The following SIPA1L3 variants were observed in gnomAD, a reference collection of about 807,000 sequenced individuals.
SIPA1L3 encodes the protein signal induced proliferation associated 1 like 3.
Under a neutral mutation model 150.1 loss-of-function variants are expected in SIPA1L3, and 59 were observed. That is an observed-to-expected ratio of 0.39 (90% confidence interval 0.32 to 0.49). The LOEUF is 0.49. Ranked by LOEUF, SIPA1L3 falls within the 20% of genes least tolerant of loss-of-function variation. SIPA1L3 has a pLI of 0.86. For synonymous variants in SIPA1L3, 1,070 were observed against 1,077.6 expected, an observed-to-expected ratio of 0.99 and a Z score of 0.14; for missense variants, 2,211 against 2,489.5, an observed-to-expected ratio of 0.89 and a Z score of 2.38.
intron 3 of SIPA1L3, among the ~76,000 whole-genome samples, chr19:38,084,820 A>G (rs1199839121): frequency 6.6e-6 from 1 of 151,678 alleles, no homozygotes; most frequent in Non-Finnish European, 1.5e-5. Flanking sequence ...TTGTAGTTTT[A>G]GTAGAGACAG....
chr19:38,105,355 ACT>A (rs1324441833), intron 6 of SIPA1L3, among the ~76,000 whole-genome samples: 4 of 149,952 alleles, frequency 2.7e-5, no homozygotes, highest in Admixed American at 1.3e-4. Context: ...ACAGAGTGAA[ACT>A]CTGTCTCAAA....
intron 2 of SIPA1L3, among the ~76,000 whole-genome samples, chr19:38,050,567 C>T (rs1725462): frequency 0.17 from 25,135 of 152,160 alleles, 2,183 homozygotes; most frequent in African/African-American, 0.19. Flanking sequence ...TCTAAACTTT[C>T]AAATGTTGTA....
chr19:38,140,107 G>A (rs928696435), intron 10 of SIPA1L3, among the ~76,000 whole-genome samples: 5 of 147,536 alleles, frequency 3.4e-5, no homozygotes, highest in South Asian at 2.3e-4. Context: ...GGCCATGAAC[G>A]GGGTGGCTCC....
At chr19:37,981,230 C>T (rs1967193158) in intron 1 of SIPA1L3, among the ~76,000 whole-genome samples, 1 of 151,958 alleles carries the variant, frequency 6.6e-6, no homozygotes, top group Admixed American at 6.6e-5. Context: ...ACCAGGAGTT[C>T]AAGACCAGCC....
chr19:38,146,396 A>G (rs936542935), intron 12 of SIPA1L3, among the ~76,000 whole-genome samples: 6 of 152,204 alleles, frequency 3.9e-5, no homozygotes, highest in Non-Finnish European at 7.3e-5. Context: ...GGCACTTTGA[A>G]TCTATGCTGC....
At chr19:38,054,255 T>C (rs1235108639) in intron 2 of SIPA1L3, among the ~76,000 whole-genome samples, 1 of 152,120 alleles carries the variant, frequency 6.6e-6, no homozygotes, top group Non-Finnish European at 1.5e-5. Context: ...CAGTTAGGAA[T>C]TGGTTGGAAG....
intron 1 of SIPA1L3, chr19:37,963,843 G>A (rs1049176911): frequency 1.3e-5 from 2 of 152,170 alleles, no homozygotes; most frequent in Non-Finnish European, 2.9e-5. Context: ...GACATACCCA[G>A]AAGTCTTTCC....
At chr19:37,967,295 C>A (rs1226654673) in intron 1 of SIPA1L3, among the ~76,000 whole-genome samples, 1 of 151,512 alleles carries the variant, frequency 6.6e-6, no homozygotes, top group African/African-American at 2.4e-5. Context: ...CTCTGTCGCC[C>A]AGGCTGGAGT....
chr19:38,032,874 A>G (rs571497855), intron 2 of SIPA1L3, among the ~76,000 whole-genome samples: 2 of 151,662 alleles, frequency 1.3e-5, no homozygotes, highest in Non-Finnish European at 2.9e-5. Flanking sequence ...AGAAGTGAAT[A>G]TAGGATAAGT....
intron 1 of SIPA1L3, among the ~76,000 whole-genome samples, chr19:37,935,888 G>A (rs2046596159): frequency 6.6e-6 from 1 of 152,174 alleles, no homozygotes; most frequent in Admixed American, 6.5e-5. Flanking sequence ...CAAGTTCCAG[G>A]AGGTGTGGTC....
intron 2 of SIPA1L3, among the ~76,000 whole-genome samples, chr19:38,065,227 G>T (rs1170932890): frequency 6.6e-6 from 1 of 152,072 alleles, no homozygotes; most frequent in East Asian, 1.9e-4. Context: ...CTGCGTGGGA[G>T]CCTGTCGCCA....
chr19:37,943,341 T>C (rs2046679793), intron 1 of SIPA1L3, among the ~76,000 whole-genome samples: 1 of 152,106 alleles, frequency 6.6e-6, no homozygotes, highest in East Asian at 1.9e-4. Context: ...CCACCCACAG[T>C]CCGACCACGC....
At chr19:38,025,896 C>T (rs549028827) in intron 1 of SIPA1L3, among the ~76,000 whole-genome samples, 1 of 152,118 alleles carries the variant, frequency 6.6e-6, no homozygotes, top group Non-Finnish European at 1.5e-5. Flanking sequence ...GTTTTAAAAG[C>T]GTGTTTTTCT....
At chr19:38,019,675 A>G (rs1324338801) in intron 1 of SIPA1L3, among the ~76,000 whole-genome samples, 1 of 152,184 alleles carries the variant, frequency 6.6e-6, no homozygotes, top group African/African-American at 2.4e-5. Context: ...TCAAGCCTTA[A>G]GTGACCAGAA....
intron 1 of SIPA1L3, among the ~76,000 whole-genome samples, chr19:37,998,147 T>C (rs1426368805): frequency 1.3e-5 from 2 of 152,206 alleles, no homozygotes; most frequent in Non-Finnish European, 2.9e-5. Flanking sequence ...TCAGTAAATA[T>C]TCTTTTGATG....
intron 1 of SIPA1L3, among the ~76,000 whole-genome samples, chr19:37,993,842 T>C (rs889948379): frequency 2.0e-5 from 3 of 152,316 alleles, no homozygotes; most frequent in South Asian, 2.1e-4. Context: ...ACTTGAAGCA[T>C]TTTAATAGCT....
At position 38,206,261 on chromosome 19, in the gene SIPA1L3, C is replaced by A; in HGVS notation, c.*21C>A. 6.6e-7 allele frequency: 1 copy of A among 1,525,970 alleles called. No individual in the cohort carries two copies. Among genetic ancestry groups the A allele is most frequent in the Non-Finnish European group, 8.8e-7 (1 of 1,131,230 alleles). 94.5% of individuals were successfully genotyped at this position (1,525,970 alleles called of 1,614,324 possible). On this transcript the variant is annotated 3_prime_UTR_variant, in exon 22 of 22. Coordinates refer to ENST00000222345, the MANE Select transcript of SIPA1L3 (RefSeq NM_015073.3). ...TCTGAGGTGGGAGGCCGCCGCCCGC[C>A]TTCGCTCCTTCCCCTCAGGCCGTGG...
chr19:38,113,072 G>T (rs1970802505), intron 8 of SIPA1L3, among the ~76,000 whole-genome samples: 2 of 152,122 alleles, frequency 1.3e-5, no homozygotes, highest in Non-Finnish European at 2.9e-5. Context: ...GCCAGGTGTG[G>T]TGGCAGGTGC....
chr19:38,051,188 G>A (rs1969190101), intron 2 of SIPA1L3, among the ~76,000 whole-genome samples: 2 of 152,190 alleles, frequency 1.3e-5, no homozygotes, highest in Non-Finnish European at 2.9e-5. Context: ...AGGTTTTAAT[G>A]TGACGTGATA....
Sources: gnomAD v4.1 joint callset for allele counts (sites outside exome capture counted in the v4.1 genomes callset) on GRCh38, gnomAD v4.1.1 for gene constraint, MANE v1.5 for transcripts, NCBI Gene and HGNC (gene_info 2026-07-23, HGNC 2026-07-21) for gene names.